PDGFD: variants seen among roughly 807,000 people sequenced by gnomAD.
PDGFD encodes platelet-derived growth factor D.
Under a neutral mutation model 44.7 loss-of-function variants are expected in PDGFD, and 30 were observed. The ratio of observed to expected loss-of-function variants is 0.67; its 90% CI spans 0.50 to 0.91. The LOEUF (loss-of-function observed/expected upper bound fraction) is 0.91. Ranked by LOEUF, PDGFD falls within the 40% of genes least tolerant of loss-of-function variation. The pLI is 0.00. For synonymous variants in PDGFD, 173 were observed against 168.4 expected, an observed-to-expected ratio of 1.03 and a Z score of -0.21; for missense variants, 445 against 457.8, an observed-to-expected ratio of 0.97 and a Z score of 0.25.
intron 1 of PDGFD, among the ~76,000 whole-genome samples, chr11:104,112,038 A>C (rs1278157172): frequency 6.6e-6 from 1 of 152,200 alleles, no homozygotes; most frequent in Non-Finnish European, 1.5e-5. Flanking sequence ...TTTTCTTTCC[A>C]GACAATTTTG....
In PDGFD at chr11:104,000,545, A is replaced by C. The variant is rs141696534; in HGVS notation, c.125-290T>G. Among the ~76,000 whole-genome samples the C allele has an allele frequency of 2.4e-3, 356 of 150,188 alleles. 2 individuals are homozygous for C. The highest frequency in any genetic ancestry group is 8.3e-3 in the African/African-American group (339 of 40,800). The stretch of plus-strand genomic sequence containing the variant: ...TTTAATGACCCTTTATTTTGTATTC[A>C]ATTGATATTCTCCGATGGGTAACCT... On this transcript the variant is annotated intron_variant, in intron 1 of 6. Transcript: ENST00000393158.
intron 1 of PDGFD, among the ~76,000 whole-genome samples, chr11:104,110,136 A>G (rs1162159886): frequency 1.3e-5 from 2 of 152,194 alleles, no homozygotes; most frequent in Non-Finnish European, 2.9e-5. Context: ...AACACAAAGA[A>G]GAAAGTATGG....
chr11:104,056,869 C>T lies in PDGFD; in HGVS notation c.125-56614G>A, dbSNP rs140027506. Among the ~76,000 whole-genome samples, 1,267 of 152,262 alleles carry T rather than the reference C, an allele frequency of 8.3e-3. 11 individuals carry two copies. The highest frequency in any genetic ancestry group is 0.029 in the African/African-American group (1,207 of 41,548). On this transcript the variant is annotated intron_variant, in intron 1 of 6. Transcript: ENST00000393158. ...AACCGGCTGGGCATGGTGGCTCACA[C>T]CTGTAGTCCCAGCACTTTGGGAGGC...
At chr11:104,023,170 T>A (rs2134383830) in intron 1 of PDGFD, among the ~76,000 whole-genome samples, 1 of 152,224 alleles carries the variant, frequency 6.6e-6, no homozygotes, top group Admixed American at 6.5e-5. Context: ...GAGTATCTCC[T>A]CAAAAAACAT....
At chr11:103,980,808 T>C (rs1379737308) in intron 3 of PDGFD, among the ~76,000 whole-genome samples, 1 of 151,904 alleles carries the variant, frequency 6.6e-6, no homozygotes, top group Non-Finnish European at 1.5e-5. Context: ...ATATGTCACG[T>C]GAAGCTACAA....
At chr11:104,051,989 C>T (rs1261542577) in intron 1 of PDGFD, among the ~76,000 whole-genome samples, 12 of 152,112 alleles carry the variant, frequency 7.9e-5, no homozygotes, top group Admixed American at 6.6e-4. Context: ...CAAAGGGAAA[C>T]CCTATACACC....
chr11:103,978,269 T>G (rs1374120970), intron 3 of PDGFD, among the ~76,000 whole-genome samples: 1 of 152,046 alleles, frequency 6.6e-6, no homozygotes, highest in Non-Finnish European at 1.5e-5. Flanking sequence ...ATAGGGATGG[T>G]GTTCTTAAGG....
At chr11:104,037,996 G>C (rs1197233642) in intron 1 of PDGFD, 1 of 1,612,742 alleles carries the variant, frequency 6.2e-7, no homozygotes, top group African/African-American at 1.3e-5. Context: ...CATGGATTCA[G>C]GACGAAAAGA....
At chr11:103,929,766 G>T (rs1858371854) in intron 5 of PDGFD, among the ~76,000 whole-genome samples, 2 of 152,148 alleles carry the variant, frequency 1.3e-5, no homozygotes, top group African/African-American at 4.8e-5. Flanking sequence ...CTTTCTGCAG[G>T]GGATATTGAG....
intron 1 of PDGFD, among the ~76,000 whole-genome samples, chr11:104,161,700 G>A (rs1862390300): frequency 1.3e-5 from 2 of 152,224 alleles, no homozygotes; most frequent in South Asian, 4.1e-4. Context: ...CTAAGATTGT[G>A]TTCACCCTCT....
intron 3 of PDGFD, among the ~76,000 whole-genome samples, chr11:103,951,313 C>A (rs1327100796): frequency 1.3e-5 from 2 of 152,180 alleles, no homozygotes; most frequent in African/African-American, 2.4e-5. Context: ...GGAGGATTCA[C>A]CTGCTAAATC....
At chr11:104,023,596 A>G (rs1233006665) in intron 1 of PDGFD, among the ~76,000 whole-genome samples, 1 of 152,124 alleles carries the variant, frequency 6.6e-6, no homozygotes, top group Admixed American at 6.6e-5. Context: ...CATACTGTCC[A>G]GTGTTACTAT....
chr11:104,041,429 T>C (rs1860351172), intron 1 of PDGFD, among the ~76,000 whole-genome samples: 1 of 152,140 alleles, frequency 6.6e-6, no homozygotes, highest in Non-Finnish European at 1.5e-5. Flanking sequence ...AATCCTCCTC[T>C]TAAATTTCAG....
chr11:104,129,946 G>T (rs7396395), intron 1 of PDGFD, among the ~76,000 whole-genome samples: 19,038 of 149,726 alleles, frequency 0.13, 1,335 homozygotes, highest in East Asian at 0.29. Context: ...GAGGCAGAGG[G>T]TGCAGTGAGC....
At chr11:104,084,417 A>G (rs1861090961) in intron 1 of PDGFD, among the ~76,000 whole-genome samples, 1 of 152,166 alleles carries the variant, frequency 6.6e-6, no homozygotes, top group Non-Finnish European at 1.5e-5. Flanking sequence ...AGGAAGAAGA[A>G]AGGGCTGGTA....
intron 1 of PDGFD, chr11:104,038,832 C>T: frequency 6.0e-6 from 1 of 167,000 alleles, no homozygotes. Flanking sequence ...GGCAGTGGTC[C>T]AGGTTCTCTA....
At chr11:103,909,847 G>C in intron 6 of PDGFD, 28 bp from the exon 7 acceptor site, 1 of 1,613,864 alleles carries the variant, frequency 6.2e-7, no homozygotes, top group Non-Finnish European at 8.5e-7. Context: ...TCTCCTGTTA[G>C]AAAGCCTTTG....
At chr11:103,988,139 A>G (rs1859397897) in intron 3 of PDGFD, among the ~76,000 whole-genome samples, 1 of 152,144 alleles carries the variant, frequency 6.6e-6, no homozygotes, top group Non-Finnish European at 1.5e-5. Context: ...ATTTTCTAAA[A>G]TAGCTTGAAT....
intron 3 of PDGFD, among the ~76,000 whole-genome samples, chr11:103,957,177 T>A (rs1858864446): frequency 6.6e-6 from 1 of 152,116 alleles, no homozygotes; most frequent in African/African-American, 2.4e-5. Flanking sequence ...TCTTCTAGGG[T>A]TTTTATGGTT....
Sources: allele counts gnomAD v4.1 joint callset (sites outside exome capture counted in the v4.1 genomes callset), GRCh38; gene constraint gnomAD v4.1.1; transcripts MANE v1.5; gene names NCBI Gene and HGNC (gene_info 2026-07-23, HGNC 2026-07-21).